Variants in MYO1D observed in about 807,000 individuals in gnomAD.
MYO1D encodes the protein myosin ID.
Under a neutral mutation model 122.0 loss-of-function variants are expected in MYO1D, and 83 were observed. The ratio of observed to expected loss-of-function variants is 0.68; its 90% confidence interval spans 0.57 to 0.82. MYO1D has a LOEUF of 0.82. MYO1D is among the 40% of genes least tolerant of loss of function. MYO1D has a pLI of 0.00. For missense variants in MYO1D, 1,157 were observed against 1,269.5 expected (o/e 0.91, Z 1.35); for synonymous variants, 464 against 446.9 (o/e 1.04, Z -0.48).
At chr17:32,730,079 A>T (rs1481101852) in intron 14 of MYO1D, among the ~76,000 whole-genome samples, 2 of 142,162 alleles carry the variant, frequency 1.4e-5, no homozygotes, top group Non-Finnish European at 3.1e-5. Context: ...CTTCTTTTTT[A>T]TGTTTTTGTT....
chr17:32,525,259 C>G (rs546520475), intron 21 of MYO1D, among the ~76,000 whole-genome samples: 2 of 152,248 alleles, frequency 1.3e-5, no homozygotes, highest in African/African-American at 4.8e-5. Context: ...TCCTTCCCCA[C>G]GTGGATTTCT....
intron 3 of MYO1D, among the ~76,000 whole-genome samples, chr17:32,777,721 G>A (rs1343390509): frequency 6.6e-6 from 1 of 151,860 alleles, no homozygotes; most frequent in Non-Finnish European, 1.5e-5. Flanking sequence ...CGAGGCGGAC[G>A]GGTCACGAGG....
intron 1 of MYO1D, among the ~76,000 whole-genome samples, chr17:32,815,145 T>C (rs2090603006): frequency 6.6e-6 from 1 of 152,216 alleles, no homozygotes; most frequent in African/African-American, 2.4e-5. Flanking sequence ...GAAGACAAGA[T>C]ATATGACTTA....
intron 18 of MYO1D, 31 bp from the exon 19 acceptor site, chr17:32,653,978 G>A: frequency 6.5e-7 from 1 of 1,546,256 alleles, no homozygotes; most frequent in Non-Finnish European, 8.9e-7. Context: ...GACAAAATGA[G>A]TATGCTTAGC....
intron 19 of MYO1D, among the ~76,000 whole-genome samples, chr17:32,642,414 G>T (rs1423087569): frequency 6.6e-6 from 1 of 152,164 alleles, no homozygotes. Flanking sequence ...GGCAATGCAG[G>T]CTCTTTTTTG....
chr17:32,494,666 G>A lies in MYO1D; in HGVS notation c.*93C>T, dbSNP rs1272101514. 7.1e-7 allele frequency: 1 copy of A among 1,403,996 alleles called. No homozygotes were observed. Among genetic ancestry groups the A allele is most frequent in the Admixed American group, 2.5e-5 (1 of 39,812 alleles). 87.0% of individuals were successfully genotyped at this position (1,403,996 alleles called of 1,614,324 possible). A position where few individuals can be genotyped will look rare whatever the true frequency, so the allele number is the denominator to read the frequency against. On this transcript the variant is annotated 3_prime_UTR_variant, in exon 22 of 22. Transcript: ENST00000318217. ...TCCTCTGGGAGGGGCCCTCGCAGCA[G>A]GTTTCTAGCGGGCATGGGTTGGGAG...
chr17:32,548,871 G>A (rs940364156), intron 21 of MYO1D, among the ~76,000 whole-genome samples: 7 of 151,484 alleles, frequency 4.6e-5, no homozygotes, highest in African/African-American at 1.5e-4. Flanking sequence ...GCACCACCGC[G>A]CCTAGCTAAT....
At chr17:32,673,586 G>A (rs796815516) in intron 16 of MYO1D, among the ~76,000 whole-genome samples, 13 of 152,218 alleles carry the variant, frequency 8.5e-5, no homozygotes, top group East Asian at 1.9e-4. Flanking sequence ...ACAAGGCTTC[G>A]GAAAAATGTA....
chr17:32,626,097 G>A lies in MYO1D; in HGVS notation c.2709+12625C>T, dbSNP rs564991981. 7.2e-5 allele frequency among the ~76,000 whole-genome samples: 11 copies of A among 152,332 alleles called. No homozygotes were observed. In the South Asian group the frequency reaches 1.4e-3, roughly 20 times the overall value. On this transcript the variant is annotated intron_variant, in intron 20 of 21. Coordinates refer to ENST00000318217, the MANE Select transcript of MYO1D (RefSeq NM_015194.3). ...CAGTGAGCAACCTAGGCACTGTGCC[G>A]ATGGACTGGTGGCTTCCCTGTCTCT... is the stretch of plus-strand genomic sequence containing the variant.
intron 5 of MYO1D, among the ~76,000 whole-genome samples, chr17:32,771,674 C>T (rs921753895): frequency 6.6e-6 from 1 of 152,170 alleles, no homozygotes; most frequent in African/African-American, 2.4e-5. Context: ...AACAGCTTTT[C>T]CTCATCAATC....
At chr17:32,866,396 C>T (rs1191683609) in intron 1 of MYO1D, among the ~76,000 whole-genome samples, 6 of 152,182 alleles carry the variant, frequency 3.9e-5, no homozygotes, top group Non-Finnish European at 4.4e-5. Context: ...CAGGACCTGC[C>T]TCCCCAAGAA....
At chr17:32,516,989 G>A (rs1259287482) in intron 21 of MYO1D, among the ~76,000 whole-genome samples, 2 of 152,114 alleles carry the variant, frequency 1.3e-5, no homozygotes, top group African/African-American at 4.8e-5. Context: ...ATTAGCGTGG[G>A]TGCATAGTGA....
chr17:32,701,841 A>T (rs1410417889), intron 16 of MYO1D, among the ~76,000 whole-genome samples: 1 of 152,250 alleles, frequency 6.6e-6, no homozygotes, highest in Non-Finnish European at 1.5e-5. Flanking sequence ...TGCTAGGATT[A>T]CAGGGGTGAA....
At chr17:32,764,058 GAAGTA>G (rs1297392013) in intron 8 of MYO1D, among the ~76,000 whole-genome samples, 2 of 152,192 alleles carry the variant, frequency 1.3e-5, no homozygotes, top group African/African-American at 4.8e-5. Context: ...GCAAAAAAGG[GAAGTA>G]AAGTGGGTGA....
Position 32,745,294 on chromosome 17 carries a change from GA to G in MYO1D, c.1539-10del. ...AACCAATGACAGAATAGCTAACAGG[GA>G]AAAATCACAGAAAACATGTATCATT... On this transcript the variant is annotated splice_polypyrimidine_tract_variant and intron_variant, in intron 12 of 21. Transcript: ENST00000318217. 6.6e-7 allele frequency: 1 copy of G among 1,507,544 alleles called. No individual in the cohort carries two copies. The highest frequency in any genetic ancestry group is 9.1e-7 in the Non-Finnish European group (1 of 1,098,880). The allele number at this position is 1,507,544 out of a possible 1,614,324, so 93.4% of individuals were successfully genotyped here. A position where few individuals can be genotyped will look rare whatever the true frequency, so the allele number is the denominator to read the frequency against.
Position 32,772,106 on chromosome 17 carries a change from T to C in MYO1D, c.618+683A>G, listed in dbSNP as rs2090118911. On this transcript the variant is annotated intron_variant, in intron 5 of 21. Coordinates refer to ENST00000318217, the MANE Select transcript of MYO1D (RefSeq NM_015194.3). ...TCGACTGAATTGCATCCAATTGTAT[T>C]GTCACCGTTCAGTTACTTTCTGTTA... is the stretch of plus-strand genomic sequence containing the variant. 2.6e-5 allele frequency among the ~76,000 whole-genome samples: 4 copies of C among 152,246 alleles called. No individual in the cohort carries two copies. The South Asian group carries it at 8.3e-4, about 31-fold the overall frequency.
chr17:32,603,765 T>C (rs1289241866), intron 21 of MYO1D, among the ~76,000 whole-genome samples: 1 of 152,100 alleles, frequency 6.6e-6, no homozygotes, highest in Non-Finnish European at 1.5e-5. Flanking sequence ...GACCTCGTGA[T>C]CCGCCCGCCT....
chr17:32,833,170 T>C (rs1372818872), intron 1 of MYO1D, among the ~76,000 whole-genome samples: 1 of 152,128 alleles, frequency 6.6e-6, no homozygotes, highest in African/African-American at 2.4e-5. Context: ...CCTGATAGTG[T>C]CCCACACCTG....
At chr17:32,697,485 C>A (rs1296244511) in intron 16 of MYO1D, among the ~76,000 whole-genome samples, 2 of 152,166 alleles carry the variant, frequency 1.3e-5, no homozygotes, top group Non-Finnish European at 2.9e-5. Context: ...TTGGGGGCAA[C>A]CTCTTTCATT....
Sources: allele counts gnomAD v4.1 joint callset (sites outside exome capture counted in the v4.1 genomes callset), GRCh38; gene constraint gnomAD v4.1.1; transcripts MANE v1.5; gene names NCBI Gene and HGNC (gene_info 2026-07-23, HGNC 2026-07-21).